Variants in DACH1 observed in about 807,000 individuals in gnomAD.
The protein encoded by DACH1 is dachshund homolog 1.
DACH1 carries 12 observed loss-of-function variants against 54.2 expected under a neutral mutation model. The ratio of observed to expected loss-of-function variants is 0.22; its 90% CI spans 0.14 to 0.36. The LOEUF (loss-of-function observed/expected upper bound fraction) is 0.36. Ranked by LOEUF, DACH1 falls within the 10% of genes least tolerant of loss-of-function variation. DACH1 has a pLI of 1.00. For synonymous variants in DACH1, 386 were observed against 366.2 expected (o/e 1.05, Z -0.62); for missense variants, 805 against 929.8 (o/e 0.87, Z 1.75).
intron 1 of DACH1, among the ~76,000 whole-genome samples, chr13:71,729,977 A>T (rs1883662238): frequency 6.6e-6 from 1 of 152,072 alleles, no homozygotes; most frequent in African/African-American, 2.4e-5. Flanking sequence ...CATCTTAACA[A>T]GTTATTCTGT....
At chr13:71,563,252 T>C (rs1290361907) in intron 4 of DACH1, among the ~76,000 whole-genome samples, 1 of 152,036 alleles carries the variant, frequency 6.6e-6, no homozygotes, top group Admixed American at 6.6e-5. Context: ...TATCTATCAA[T>C]AAATTTTAAC....
In DACH1 at chr13:71,506,734, C is replaced by T. The variant is rs147715941; in HGVS notation, c.1571-17586G>A. ...TATTGATCAATGGAACAGAACAGAGCCCTCAGAAATAATGCCACATATCTA... is the reference window on the plus strand; with the variant it reads ...TATTGATCAATGGAACAGAACAGAGTCCTCAGAAATAATGCCACATATCTA... On this transcript the variant is annotated intron_variant, in intron 6 of 10. Coordinates refer to ENST00000613252, the MANE Select transcript of DACH1 (RefSeq NM_080759.6). 2.0e-3 allele frequency among the ~76,000 whole-genome samples: 305 copies of T among 152,078 alleles called. 11 individuals carry two copies. In the East Asian group the frequency reaches 0.049, roughly 24 times the overall value.
chr13:71,600,313 G>T (rs1874400921), intron 3 of DACH1, among the ~76,000 whole-genome samples: 1 of 151,964 alleles, frequency 6.6e-6, no homozygotes, highest in Admixed American at 6.6e-5. Flanking sequence ...CAGAAATAAT[G>T]GCCACATAAG....
intron 1 of DACH1, among the ~76,000 whole-genome samples, chr13:71,774,920 C>T (rs857320): frequency 0.021 from 3,185 of 152,016 alleles, 45 homozygotes; most frequent in Middle Eastern, 0.061. Flanking sequence ...ACAAACATAT[C>T]GCTAGGCCAA....
chr13:71,779,800 T>C (rs1302511231), intron 1 of DACH1, among the ~76,000 whole-genome samples: 2 of 152,092 alleles, frequency 1.3e-5, no homozygotes, highest in African/African-American at 4.8e-5. Flanking sequence ...TGGCCACCTC[T>C]ACTCAACCGC....
intron 1 of DACH1, among the ~76,000 whole-genome samples, chr13:71,848,348 A>G (rs906050505): frequency 6.6e-6 from 1 of 152,154 alleles, no homozygotes; most frequent in African/African-American, 2.4e-5. Context: ...TAAACGTTAT[A>G]TGTATATAAG....
chr13:71,520,427 A>G (rs2138279773), intron 6 of DACH1, among the ~76,000 whole-genome samples: 1 of 151,816 alleles, frequency 6.6e-6, no homozygotes. Flanking sequence ...TCTAAACAAG[A>G]ATTAGGGAAG....
intron 2 of DACH1, among the ~76,000 whole-genome samples, chr13:71,661,741 C>T (rs2138653347): frequency 6.6e-6 from 1 of 151,972 alleles, no homozygotes; most frequent in East Asian, 1.9e-4. Flanking sequence ...TAAAACATCC[C>T]TGTACAACAC....
intron 3 of DACH1, among the ~76,000 whole-genome samples, chr13:71,614,904 A>G (rs1285741941): frequency 6.6e-6 from 1 of 151,398 alleles, no homozygotes; most frequent in African/African-American, 2.4e-5. Flanking sequence ...CTCTCCAAAT[A>G]CAAGAAATCA....
intron 3 of DACH1, among the ~76,000 whole-genome samples, chr13:71,610,508 T>C (rs1182561749): frequency 1.3e-5 from 2 of 152,146 alleles, no homozygotes; most frequent in Admixed American, 1.3e-4. Context: ...TTGCCAAGCA[T>C]AAATCTTAAA....
At chr13:71,522,031 T>C (rs1044201947) in intron 6 of DACH1, among the ~76,000 whole-genome samples, 1 of 152,130 alleles carries the variant, frequency 6.6e-6, no homozygotes. Context: ...ACTACTACAG[T>C]ATAACAACCA....
chr13:71,655,291 T>C (rs1312215927), intron 2 of DACH1, among the ~76,000 whole-genome samples: 1 of 152,104 alleles, frequency 6.6e-6, no homozygotes, highest in Non-Finnish European at 1.5e-5. Context: ...ATCACTTGAA[T>C]ACAGAAATCA....
At chr13:71,644,571 T>A (rs368390467) in intron 2 of DACH1, among the ~76,000 whole-genome samples, 1 of 152,152 alleles carries the variant, frequency 6.6e-6, no homozygotes, top group East Asian at 1.9e-4. Context: ...ATACCTCAGA[T>A]CTTCCGCAAG....
At chr13:71,684,158 C>A (rs933531275) in intron 1 of DACH1, among the ~76,000 whole-genome samples, 5 of 152,098 alleles carry the variant, frequency 3.3e-5, no homozygotes, top group Admixed American at 1.3e-4. Flanking sequence ...TACATGGTTA[C>A]AGCTTTCCAA....
At chr13:71,833,303 C>A (rs1888662835) in intron 1 of DACH1, among the ~76,000 whole-genome samples, 1 of 151,918 alleles carries the variant, frequency 6.6e-6, no homozygotes, top group African/African-American at 2.4e-5. Context: ...TAAAGAGGCT[C>A]ATGAAAGTCT....
At chr13:71,768,666 G>A (rs1219432488) in intron 1 of DACH1, among the ~76,000 whole-genome samples, 1 of 151,874 alleles carries the variant, frequency 6.6e-6, no homozygotes, top group African/African-American at 2.4e-5. Context: ...AAATAAGGCA[G>A]CTCAAATAAA....
Position 71,440,512 on chromosome 13 carries a change from A to C in DACH1, c.*143T>G. 1.6e-6 allele frequency: 1 copy of C among 614,538 alleles called. No homozygotes were observed. Among genetic ancestry groups the C allele is most frequent in the Non-Finnish European group, 2.8e-6 (1 of 361,036 alleles). 38.1% of individuals were successfully genotyped at this position (614,538 alleles called of 1,614,324 possible). On this transcript the variant is annotated 3_prime_UTR_variant, in exon 11 of 11. Transcript: ENST00000613252. ...AGAAAACTTTTTTTTTTTTTGTAGA[A>C]TACTTAAACTTTTAAAGAACATTAA...
At chr13:71,724,369 G>A (rs954053780) in intron 1 of DACH1, among the ~76,000 whole-genome samples, 1 of 151,946 alleles carries the variant, frequency 6.6e-6, no homozygotes, top group Admixed American at 6.6e-5. Context: ...CTGCCCTTTA[G>A]CAAATATAAT....
chr13:71,719,096 C>A (rs1026509903), intron 1 of DACH1, among the ~76,000 whole-genome samples: 1 of 152,164 alleles, frequency 6.6e-6, no homozygotes, highest in Non-Finnish European at 1.5e-5. Context: ...CAGACATCTA[C>A]ACATCTTAGT....
Sources: gnomAD v4.1 joint callset for allele counts (sites outside exome capture counted in the v4.1 genomes callset) on GRCh38, gnomAD v4.1.1 for gene constraint, MANE v1.5 for transcripts, NCBI Gene and HGNC (gene_info 2026-07-23, HGNC 2026-07-21) for gene names.